The following NSDHL variants were observed in gnomAD, a reference collection of about 807,000 sequenced individuals.
NSDHL encodes the protein NAD(P) dependent 3-beta-hydroxysteroid dehydrogenase NSDHL, also known as sterol-4-alpha-carboxylate 3-dehydrogenase, decarboxylating.
Under a neutral mutation model 23.0 loss-of-function variants are expected in NSDHL, and 1 was observed. The observed-to-expected ratio is 0.04, with a 90% CI of 0.02 to 0.21. NSDHL has a LOEUF of 0.21. Ranked by LOEUF, NSDHL falls within the 10% of genes least tolerant of loss-of-function variation. The pLI is 1.00. For missense variants in NSDHL, 237 were observed against 300.9 expected (o/e 0.79, Z 1.57); for synonymous variants, 128 against 121.1 (o/e 1.06, Z -0.37).
intron 1 of NSDHL, among the ~76,000 whole-genome samples, chrX:152,837,867 A>G (rs1250675449): frequency 8.9e-6 from 1 of 111,923 alleles, no homozygotes; most frequent in African/African-American, 3.3e-5. Context: ...TTTCAGAAGG[A>G]ATAGTACCAG....
chrX:152,858,709 T>G, intron 3 of NSDHL, 61 bp from the exon 4 acceptor site: 1,009 of 1,084,357 alleles, frequency 9.3e-4, no homozygotes, highest in Non-Finnish European at 1.2e-3. Context: ...GGTGAAAACA[T>G]GAGAATGCCA....
chrX:152,831,234 G>A (rs897906384), intron 1 of NSDHL, 117 bp downstream of exon 1: 5 of 295,175 alleles, frequency 1.7e-5, no homozygotes, highest in East Asian at 9.6e-5. Context: ...ACCTAAGGCT[G>A]AGTTTAGGGA....
chrX:152,843,232 C>G (rs782589243), intron 1 of NSDHL, among the ~76,000 whole-genome samples: 2 of 111,964 alleles, frequency 1.8e-5, no homozygotes, highest in South Asian at 7.4e-4. Context: ...GGAATAGGCT[C>G]TAAGGCTTCT....
chrX:152,865,414 C>G (rs1933591118), intron 5 of NSDHL, among the ~76,000 whole-genome samples: 1 of 112,819 alleles, frequency 8.9e-6, no homozygotes, highest in Admixed American at 9.3e-5. Flanking sequence ...GCGGCACATG[C>G]AGTTCAAGTC....
Position 152,831,068 on chromosome X carries a change from G to A in NSDHL, c.-93G>A. On this transcript the variant is annotated 5_prime_UTR_variant, in exon 1 of 8. In the 5' UTR this introduces an upstream ATG that the reference lacks. Transcript: ENST00000370274. ...GCGGTCCGGGCCTGGAGTTCAGTGG[G>A]TGCAGCCTGCTTGCGAGCTGAGGCC... The A allele has an allele frequency of 3.3e-6, 1 of 306,928 alleles. No individual in the cohort carries two copies. Among genetic ancestry groups the A allele is most frequent in the Non-Finnish European group, 5.7e-6 (1 of 176,148 alleles). 25.3% of individuals were successfully genotyped at this position (306,928 alleles called of 1,213,427 possible).
intron 3 of NSDHL, 121 bp downstream of exon 3, chrX:152,850,544 CAA>C (rs1412000370): frequency 1.4e-6 from 1 of 725,812 alleles, no homozygotes; most frequent in African/African-American, 2.1e-5. Flanking sequence ...TGAAAATTTT[CAA>C]AGTTATAGGA....
chrX:152,853,368 C>T lies in NSDHL; in HGVS notation c.267+2945C>T, dbSNP rs57427280. The stretch of plus-strand genomic sequence containing the variant: ...CAAAAACCTTAGATTCATCCCTGCC[C>T]GATTCCTTTCTCTCTCATGCCCTTC... On this transcript the variant is annotated intron_variant, in intron 3 of 7. Transcript: ENST00000370274. Among the ~76,000 whole-genome samples the T allele has an allele frequency of 3.5e-3, 386 of 110,734 alleles. 8 individuals carry two copies. The highest frequency in any genetic ancestry group is 0.025 in the Admixed American group (259 of 10,388).
At chrX:152,847,406 A>T (rs1427719844) in intron 2 of NSDHL, among the ~76,000 whole-genome samples, 2 of 112,288 alleles carry the variant, frequency 1.8e-5, no homozygotes, top group Admixed American at 9.4e-5. Flanking sequence ...AGAGGTTATC[A>T]TGGGCCGTGA....
At chrX:152,866,005 A>G (rs374482528) in intron 6 of NSDHL, 44 bp downstream of exon 6, 82 of 1,190,495 alleles carry the variant, frequency 6.9e-5, no homozygotes, top group South Asian at 5.3e-4. Flanking sequence ...TTCCTGGTCC[A>G]TGCTCGCATT....
rs928613385 is a variant in NSDHL at position 152,850,715 on chromosome X, T to C, written c.267+292T>C. ...GAAACTTGACTTCAAAAGCCGTCCA[T>C]GGGCTGTATTGTTCCAACTGCAAAA... On this transcript the variant is annotated intron_variant, in intron 3 of 7. Transcript: ENST00000370274. Among the ~76,000 whole-genome samples the C allele has an allele frequency of 1.6e-3, 180 of 112,518 alleles. 1 individual carries two copies. The highest frequency in any genetic ancestry group is 5.5e-3 in the African/African-American group (172 of 31,017).
intron 3 of NSDHL, among the ~76,000 whole-genome samples, chrX:152,858,400 G>A (rs1467899666): frequency 2.7e-5 from 3 of 112,217 alleles, no homozygotes; most frequent in Admixed American, 9.4e-5. Flanking sequence ...GTCTTTAATG[G>A]TGTGGAACTT....
At chrX:152,855,739 G>A (rs892638331) in intron 3 of NSDHL, among the ~76,000 whole-genome samples, 11 of 111,531 alleles carry the variant, frequency 9.9e-5, no homozygotes, top group African/African-American at 3.6e-4. Context: ...ATGGCCAATC[G>A]TGTTTCACCT....
intron 5 of NSDHL, among the ~76,000 whole-genome samples, chrX:152,864,040 T>G (rs1884701589): frequency 9.0e-6 from 1 of 111,430 alleles, no homozygotes. Context: ...GCCTCCTGAG[T>G]AGCTGGGATT....
chrX:152,835,110 C>A (rs1285932925), intron 1 of NSDHL, among the ~76,000 whole-genome samples: 1 of 111,580 alleles, frequency 9.0e-6, no homozygotes, highest in Non-Finnish European at 1.9e-5. Flanking sequence ...GGCTAACTCG[C>A]TTCTCTCTTC....
At chrX:152,851,294 C>A (rs1430389691) in intron 3 of NSDHL, among the ~76,000 whole-genome samples, 1 of 112,060 alleles carries the variant, frequency 8.9e-6, no homozygotes, top group Admixed American at 9.4e-5. Context: ...CATGTCCTCC[C>A]TGACCAAGTA....
chrX:152,834,274 T>A (rs1160455794), intron 1 of NSDHL, among the ~76,000 whole-genome samples: 3 of 112,871 alleles, frequency 2.7e-5, no homozygotes, highest in Non-Finnish European at 5.6e-5. Flanking sequence ...AGAGAAGGTA[T>A]TCCATGCAGA....
intron 3 of NSDHL, among the ~76,000 whole-genome samples, chrX:152,854,469 G>A (rs1186526001): frequency 1.8e-5 from 2 of 108,628 alleles, no homozygotes; most frequent in Non-Finnish European, 3.8e-5. Context: ...CCAGACTGTG[G>A]CACAATCTAA....
In NSDHL at chrX:152,846,291, G is replaced by A; in HGVS notation, c.-34G>A. On this transcript the variant is annotated 5_prime_UTR_variant, in exon 2 of 8. Coordinates refer to ENST00000370274, the MANE Select transcript of NSDHL (RefSeq NM_015922.3). ...TAACTATGTCTTTAAGAAAAGAAAA[G>A]TTGATTACAAACGGGACCATATTTT... The A allele has an allele frequency of 9.5e-7, 1 of 1,050,806 alleles. No individual in the cohort carries two copies. The highest frequency in any genetic ancestry group is 1.8e-5 in the African/African-American group (1 of 54,841). The allele number at this position is 1,050,806 out of a possible 1,213,427, so 86.6% of individuals were successfully genotyped here.
chrX:152,840,160 T>G (rs1405412505), intron 1 of NSDHL, among the ~76,000 whole-genome samples: 2 of 112,330 alleles, frequency 1.8e-5, no homozygotes, highest in Non-Finnish European at 3.8e-5. Context: ...GTCAGGGCAT[T>G]TAAGGTCTTC....
Sources: allele counts gnomAD v4.1 joint callset (sites outside exome capture counted in the v4.1 genomes callset), GRCh38; gene constraint gnomAD v4.1.1; transcripts MANE v1.5; gene names NCBI Gene and HGNC (gene_info 2026-07-23, HGNC 2026-07-21).